Variants in CEP41 observed in about 807,000 individuals in gnomAD.
The protein encoded by CEP41 is centrosomal protein 41.
CEP41 carries 32 observed loss-of-function variants against 44.3 expected under a neutral mutation model. The observed-to-expected ratio is 0.72, with a 90% CI of 0.54 to 0.97. The LOEUF is 0.97. CEP41 is among the 50% of genes least tolerant of loss of function. The pLI is 0.00. For missense variants in CEP41, 432 were observed against 455.2 expected (o/e 0.95, Z 0.46); for synonymous variants, 151 against 168.5 (o/e 0.90, Z 0.80).
intron 2 of CEP41, chr7:130,417,236 T>C: frequency 1.6e-6 from 2 of 1,256,632 alleles, no homozygotes; most frequent in Non-Finnish European, 2.0e-6. Flanking sequence ...GAGATACAGA[T>C]GATCATTTTC....
chr7:130,399,160 A>G (rs1796765305), intron 10 of CEP41, 121 bp from the exon 11 acceptor site: 2 of 1,260,920 alleles, frequency 1.6e-6, no homozygotes, highest in African/African-American at 2.9e-5. Flanking sequence ...ATGAAGTCCT[A>G]TGCAGTATCT....
chr7:130,404,824 G>C (rs942967979), intron 5 of CEP41, 116 bp from the exon 6 acceptor site: 1 of 898,002 alleles, frequency 1.1e-6, no homozygotes, highest in Non-Finnish European at 1.8e-6. Context: ...TTAAATTGTC[G>C]TGGAAGTGCT....
chr7:130,420,293 CACT>C (rs1284513467), intron 2 of CEP41: 1 of 129,688 alleles, frequency 7.7e-6, no homozygotes, highest in African/African-American at 2.9e-5. Context: ...TGCGCCACTG[CACT>C]ACAATGCGGG....
intron 1 of CEP41, among the ~76,000 whole-genome samples, chr7:130,433,230 G>A (rs1554425483): frequency 6.6e-6 from 1 of 152,040 alleles, no homozygotes; most frequent in African/African-American, 2.4e-5. Context: ...TCAAGTATAT[G>A]AGAGGCGAAG....
chr7:130,440,902 C>A (rs781850808), intron 1 of CEP41, 32 bp downstream of exon 1: 7 of 1,608,968 alleles, frequency 4.4e-6, no homozygotes, highest in African/African-American at 2.7e-5. Flanking sequence ...CGCCCGCCCC[C>A]TCCGGCTCTC....
In CEP41 at chr7:130,397,506, A is replaced by ATTT. The variant is rs55776575; in HGVS notation, c.*1382_*1384dup. On this transcript the variant is annotated 3_prime_UTR_variant, in exon 11 of 11. Coordinates refer to ENST00000223208, the MANE Select transcript of CEP41 (RefSeq NM_018718.3). ...CCCCATGCTAGAAATACTGTGGTGC[A>ATTT]TTTTTTTTTTTTTTTTTTTTTTTTT... 1,467 of 303,450 alleles carry ATTT rather than the reference A, an allele frequency of 4.8e-3. 2 individuals are homozygous for ATTT. Among genetic ancestry groups the ATTT allele is most frequent in the Middle Eastern group, 0.011 (10 of 870 alleles). 18.8% of individuals were successfully genotyped at this position (303,450 alleles called of 1,614,324 possible).
At chr7:130,404,824 G>T in intron 5 of CEP41, 116 bp from the exon 6 acceptor site, 1 of 898,120 alleles carries the variant, frequency 1.1e-6, no homozygotes, top group Non-Finnish European at 1.8e-6. Context: ...TTAAATTGTC[G>T]TGGAAGTGCT....
At chr7:130,420,100 T>A (rs755313433) in intron 2 of CEP41, 69 of 982,988 alleles carry the variant, frequency 7.0e-5, no homozygotes, top group Non-Finnish European at 8.3e-5. Flanking sequence ...GGAGGCAGGA[T>A]TGCTTGAGCC....
At position 130,397,683 on chromosome 7, in the gene CEP41, G is replaced by C. The variant is rs1287100587; in HGVS notation, c.*1208C>G. 2.0e-5 allele frequency: 9 copies of C among 454,192 alleles called. No individual in the cohort carries two copies. The Admixed American group carries it at 2.1e-4, about 11-fold the overall frequency. 28.1% of individuals were successfully genotyped at this position (454,192 alleles called of 1,614,324 possible). On this transcript the variant is annotated 3_prime_UTR_variant, in exon 11 of 11. Coordinates refer to ENST00000223208, the MANE Select transcript of CEP41 (RefSeq NM_018718.3). ...GTCCCTTATCACAGCTACGATCACA[G>C]ACCATAAAAATTAACACCGCTCTTT...
chr7:130,397,154 G>T lies in CEP41; in HGVS notation c.*1737C>A, dbSNP rs1554415036. The T allele has an allele frequency of 2.2e-6, 1 of 454,532 alleles. No individual in the cohort carries two copies. The highest frequency in any genetic ancestry group is 6.9e-5 in the East Asian group (1 of 14,398). The allele number at this position is 454,532 out of a possible 1,614,324, so 28.2% of individuals were successfully genotyped here. A position where few individuals can be genotyped will look rare whatever the true frequency, so the allele number is the denominator to read the frequency against. On this transcript the variant is annotated 3_prime_UTR_variant, in exon 11 of 11. Transcript: ENST00000223208. Reference sequence around the variant, plus strand: ...ATGCTGTAAAGAAAATACAAAGCCAGAGCATTTTGGCATTAGCAAAGGCTG... The same window carrying T: ...ATGCTGTAAAGAAAATACAAAGCCATAGCATTTTGGCATTAGCAAAGGCTG...
chr7:130,402,447 T>A (rs1157537086), intron 7 of CEP41, among the ~76,000 whole-genome samples: 1 of 152,224 alleles, frequency 6.6e-6, no homozygotes, highest in Non-Finnish European at 1.5e-5. Context: ...ACTTCCCTGC[T>A]TCTGACAGCC....
rs140686851 is a variant in CEP41, at chr7:130,397,588, C to T, written c.*1303G>A. On this transcript the variant is annotated 3_prime_UTR_variant, in exon 11 of 11. Transcript: ENST00000223208. ...AATCTTACCCCGTAGCAGTTACCAG[C>T]AGGACAGGCAATTTTCAGTGGGCTT... The T allele has an allele frequency of 3.6e-5, 16 of 443,648 alleles. 1 individual carries two copies. Among genetic ancestry groups the T allele is most frequent in the African/African-American group, 2.6e-4 (12 of 45,954 alleles). The allele number at this position is 443,648 out of a possible 1,614,324, so 27.5% of individuals were successfully genotyped here.
At chr7:130,408,555 G>A (rs1167879884) in intron 5 of CEP41, among the ~76,000 whole-genome samples, 1 of 151,950 alleles carries the variant, frequency 6.6e-6, no homozygotes, top group Non-Finnish European at 1.5e-5. Flanking sequence ...CTATTGAACT[G>A]GAAAATATTT....
intron 8 of CEP41, 159 bp from the exon 9 acceptor site, chr7:130,400,980 C>A: frequency 3.1e-6 from 2 of 643,464 alleles, no homozygotes; most frequent in Non-Finnish European, 5.6e-6. Flanking sequence ...TGGATGGTTT[C>A]CCATCATGGA....
At chr7:130,404,433 G>A in intron 6 of CEP41, 131 bp downstream of exon 6, 1 of 723,728 alleles carries the variant, frequency 1.4e-6, no homozygotes, top group Non-Finnish European at 2.4e-6. Flanking sequence ...GTAGAAGGCT[G>A]GGATTAAAAT....
chr7:130,421,829 AG>A (rs1797518149), intron 2 of CEP41: 2 of 1,383,196 alleles, frequency 1.4e-6, no homozygotes, highest in Admixed American at 5.9e-5. Context: ...TGGTTTGGAA[AG>A]TGTCCCTTAA....
chr7:130,404,803 TATC>T (rs1796960330), intron 5 of CEP41, 95 bp from the exon 6 acceptor site: 2 of 1,007,288 alleles, frequency 2.0e-6, no homozygotes, highest in Non-Finnish European at 1.6e-6. Flanking sequence ...AAGGAAATCT[TATC>T]ATCATTATTA....
In CEP41 at chr7:130,404,810, A is replaced by G. The variant is rs73152872; in HGVS notation, c.278-102T>C. On this transcript the variant is annotated intron_variant, in intron 5 of 10. Coordinates refer to ENST00000223208, the MANE Select transcript of CEP41 (RefSeq NM_018718.3). Reference sequence around the variant, plus strand: ...GTCAAGAAAAGGAAATCTTATCATCATTATTAAATTGTCGTGGAAGTGCTA... The same window carrying G: ...GTCAAGAAAAGGAAATCTTATCATCGTTATTAAATTGTCGTGGAAGTGCTA... The G allele has an allele frequency of 5.2e-3, 5,116 of 981,598 alleles. 26 individuals are homozygous for G. The highest frequency in any genetic ancestry group is 6.4e-3 in the Non-Finnish European group (3,955 of 619,288). The allele number at this position is 981,598 out of a possible 1,614,324, so 60.8% of individuals were successfully genotyped here.
Position 130,397,413 on chromosome 7 carries a change from T to A in CEP41, c.*1478A>T, listed in dbSNP as rs535419709. The A allele has an allele frequency of 3.3e-4, 146 of 447,582 alleles. 4 individuals carry two copies. The highest frequency in any genetic ancestry group is 2.2e-3 in the South Asian group (142 of 63,318). 27.7% of individuals were successfully genotyped at this position (447,582 alleles called of 1,614,324 possible). A position where few individuals can be genotyped will look rare whatever the true frequency, so the allele number is the denominator to read the frequency against. ...CACTCTAAAACAGAACTGGGCTGAA[T>A]CTGAAAGTTATTTTTCCATATGTCT... On this transcript the variant is annotated 3_prime_UTR_variant, in exon 11 of 11. Transcript: ENST00000223208.
Sources: allele counts gnomAD v4.1 joint callset (sites outside exome capture counted in the v4.1 genomes callset), GRCh38; gene constraint gnomAD v4.1.1; transcripts MANE v1.5; gene names NCBI Gene and HGNC (gene_info 2026-07-23, HGNC 2026-07-21).